SRGAP2C: variants seen among roughly 807,000 people sequenced by gnomAD.
SRGAP2C encodes SLIT-ROBO Rho GTPase-activating protein 2C.
A neutral mutation model predicts 25.1 loss-of-function variants in SRGAP2C; 15 were observed. That is an observed-to-expected ratio of 0.60 (90% CI 0.40 to 0.92). SRGAP2C has a LOEUF of 0.92. Among genes scored for constraint, SRGAP2C ranks in the 40% least tolerant of loss-of-function variants. SRGAP2C has a pLI of 0.00. For synonymous variants in SRGAP2C, 44 were observed against 96.6 expected, an observed-to-expected ratio of 0.46 and a Z score of 3.19; for missense variants, 144 against 264.4, an observed-to-expected ratio of 0.54 and a Z score of 3.16.
chr1:121,284,262 A>G (rs1657313956), intron 2 of SRGAP2C, among the ~76,000 whole-genome samples: 1 of 146,738 alleles, frequency 6.8e-6, no homozygotes, highest in Admixed American at 6.9e-5. Context: ...ATCCTACTTC[A>G]TGAAGATGGT....
intron 3 of SRGAP2C, among the ~76,000 whole-genome samples, chr1:121,315,870 C>T (rs1658085906): frequency 1.3e-5 from 1 of 79,662 alleles, no homozygotes; most frequent in East Asian, 5.3e-4. Context: ...CTAAATATAC[C>T]CTGTCCTCAA....
In SRGAP2C at chr1:121,360,739, G is replaced by C. The variant is rs1466629912; in HGVS notation, c.424-4554G>C. On this transcript the variant is annotated intron_variant, in intron 4 of 9. Transcript: ENST00000367123. ...AAATGTGGCCTCTTTGAAGTGGTTA[G>C]TGAATGCCCCTGAAACCACCACCTT... 6 of 86,704 alleles carry C rather than the reference G, an allele frequency of 6.9e-5. No homozygotes were observed. In the East Asian group the frequency reaches 2.5e-3, roughly 36 times the overall value. 5.4% of individuals were successfully genotyped at this position (86,704 alleles called of 1,614,324 possible). A position where few individuals can be genotyped will look rare whatever the true frequency, so the allele number is the denominator to read the frequency against.
chr1:121,362,373 G>C (rs1460052229), intron 4 of SRGAP2C, among the ~76,000 whole-genome samples: 1 of 151,194 alleles, frequency 6.6e-6, no homozygotes, highest in Non-Finnish European at 1.5e-5. Flanking sequence ...CAGTAAGTCA[G>C]ATCACTTCAG....
intron 2 of SRGAP2C, among the ~76,000 whole-genome samples, chr1:121,239,267 C>CA (rs1553329402): frequency 4.7e-4 from 1 of 2,126 alleles, no homozygotes; most frequent in South Asian, 0.015. Context: ...TATATATATA[C>CA]TATATATATA....
In SRGAP2C at chr1:121,297,425, C is replaced by T. The variant is rs1199195036; in HGVS notation, c.260+12430C>T. On this transcript the variant is annotated intron_variant, in intron 3 of 9. Coordinates refer to ENST00000367123, the MANE Select transcript of SRGAP2C (RefSeq NM_001329984.2). ...AAAAACTTGGGTCTGAATCTTGTCT[C>T]TTCTACTCCTAGCTTGTGACCTTAA... Among the ~76,000 whole-genome samples, 6 of 89,044 alleles carry T rather than the reference C, an allele frequency of 6.7e-5. 1 individual carries two copies. Among genetic ancestry groups the T allele is most frequent in the Non-Finnish European group, 9.9e-5 (4 of 40,252 alleles). 58.4% of individuals were successfully genotyped at this position (89,044 alleles called of 152,430 possible).
intron 3 of SRGAP2C, among the ~76,000 whole-genome samples, chr1:121,294,590 G>GT (rs1211463871): frequency 0.039 from 2,236 of 57,884 alleles, 705 homozygotes; most frequent in Non-Finnish European, 0.051. Context: ...TGCATTGGCT[G>GT]TTTTTTTTTT....
At chr1:121,206,393 G>A (rs1238203143) in intron 2 of SRGAP2C, among the ~76,000 whole-genome samples, 1 of 152,216 alleles carries the variant, frequency 6.6e-6, no homozygotes, top group Non-Finnish European at 1.5e-5. Context: ...AGACAGAGGA[G>A]TAAGATCGAA....
chr1:121,226,150 G>GA (rs1194897154), intron 2 of SRGAP2C, among the ~76,000 whole-genome samples: 7 of 147,182 alleles, frequency 4.8e-5, no homozygotes, highest in South Asian at 2.2e-4. Context: ...CTCTAAATGG[G>GA]AAAAAAAATT....
At chr1:121,190,967 C>T (rs1206391048) in intron 2 of SRGAP2C, among the ~76,000 whole-genome samples, 5 of 149,716 alleles carry the variant, frequency 3.3e-5, no homozygotes, top group African/African-American at 1.2e-4. Flanking sequence ...CCAACCCTAC[C>T]CCAGAGTGGT....
At chr1:121,257,331 G>T (rs1261545935) in intron 2 of SRGAP2C, among the ~76,000 whole-genome samples, 1 of 150,184 alleles carries the variant, frequency 6.7e-6, no homozygotes, top group Non-Finnish European at 1.5e-5. Flanking sequence ...TGCCAGGATG[G>T]TCTCGATCTC....
chr1:121,350,464 AAGAG>A (rs1206466909), intron 4 of SRGAP2C, among the ~76,000 whole-genome samples: 3 of 151,482 alleles, frequency 2.0e-5, no homozygotes, highest in Admixed American at 1.3e-4. Flanking sequence ...ACCAAAAGCT[AAGAG>A]AAACAGCTAG....
rs1168684655 is a variant in SRGAP2C, at chr1:121,270,696, A to G, written c.68-14107A>G. ...ATCAGCTCAGGGCCAATTTTGTTTT[A>G]TCTGTATCCCTCACCCATTCCCACT... On this transcript the variant is annotated intron_variant, in intron 2 of 9. Coordinates refer to ENST00000367123, the MANE Select transcript of SRGAP2C (RefSeq NM_001329984.2). 5.8e-5 allele frequency among the ~76,000 whole-genome samples: 8 copies of G among 138,028 alleles called. No individual in the cohort carries two copies. In the East Asian group the frequency reaches 1.0e-3, roughly 17 times the overall value. The allele number at this position is 138,028 out of a possible 152,430, so 90.6% of individuals were successfully genotyped here. A position where few individuals can be genotyped will look rare whatever the true frequency, so the allele number is the denominator to read the frequency against.
At chr1:121,340,289 G>A (rs1246885183) in intron 4 of SRGAP2C, among the ~76,000 whole-genome samples, 1 of 151,648 alleles carries the variant, frequency 6.6e-6, no homozygotes, top group Non-Finnish European at 1.5e-5. Flanking sequence ...TCTTTTTGCT[G>A]CTCTCAGAGT....
At chr1:121,355,212 A>C (rs1659033267) in intron 4 of SRGAP2C, among the ~76,000 whole-genome samples, 1 of 149,978 alleles carries the variant, frequency 6.7e-6, no homozygotes, top group African/African-American at 2.4e-5. Flanking sequence ...ATGATTAAAC[A>C]ACTAGACCAA....
rs1553352797 is a variant in SRGAP2C, at chr1:121,375,063, T to C, written c.831+109T>C. On this transcript the variant is annotated intron_variant, in intron 7 of 9. Transcript: ENST00000367123. The stretch of plus-strand genomic sequence containing the variant: ...GGAATCTGGTGCATTTTGAGAACAA[T>C]TAGGAAGATAGCAGCCATGATCCAT... 6.2e-6 allele frequency: 4 copies of C among 648,100 alleles called. No homozygotes were observed. In the African/African-American group the frequency reaches 7.3e-5, roughly 12 times the overall value. The allele number at this position is 648,100 out of a possible 1,614,324, so 40.1% of individuals were successfully genotyped here. A position where few individuals can be genotyped will look rare whatever the true frequency, so the allele number is the denominator to read the frequency against.
At chr1:121,315,291 G>A (rs1297843644) in intron 3 of SRGAP2C, among the ~76,000 whole-genome samples, 13 of 151,876 alleles carry the variant, frequency 8.6e-5, no homozygotes, top group Non-Finnish European at 1.2e-4. Flanking sequence ...GTACAGGCAC[G>A]TGTCACCATA....
chr1:121,329,221 AAGAG>A (rs1310779675), intron 4 of SRGAP2C, among the ~76,000 whole-genome samples: 4 of 151,788 alleles, frequency 2.6e-5, no homozygotes, highest in East Asian at 1.9e-4. Context: ...AGAAAAAAAG[AAGAG>A]AGAGAGAGAT....
intron 2 of SRGAP2C, among the ~76,000 whole-genome samples, chr1:121,271,022 C>T (rs1436391840): frequency 1.3e-5 from 2 of 151,610 alleles, no homozygotes; most frequent in Non-Finnish European, 2.9e-5. Context: ...TGGTCTCGAT[C>T]TCCTGACCTC....
intron 3 of SRGAP2C, among the ~76,000 whole-genome samples, chr1:121,315,483 T>C (rs1658076661): frequency 6.7e-6 from 1 of 150,188 alleles, no homozygotes; most frequent in Admixed American, 6.6e-5. Context: ...TCATCCAGAT[T>C]CCTTAAGGAC....
Sources: allele counts gnomAD v4.1 joint callset (sites outside exome capture counted in the v4.1 genomes callset), GRCh38; gene constraint gnomAD v4.1.1; transcripts MANE v1.5; gene names NCBI Gene and HGNC (gene_info 2026-07-23, HGNC 2026-07-21).